PCDH7: variants seen among roughly 807,000 people sequenced by gnomAD.
The protein encoded by PCDH7 is protocadherin-7.
A neutral mutation model predicts 58.9 loss-of-function variants in PCDH7; 17 were observed. The ratio of observed to expected loss-of-function variants is 0.29; its 90% CI spans 0.20 to 0.43. The LOEUF is 0.43. PCDH7 is among the 20% of genes least tolerant of loss of function. PCDH7 has a pLI of 1.00. For synonymous variants in PCDH7, 664 were observed against 616.4 expected, an observed-to-expected ratio of 1.08 and a Z score of -1.14; for missense variants, 1,274 against 1,441.0, an observed-to-expected ratio of 0.88 and a Z score of 1.88.
intron 3 of PCDH7, among the ~76,000 whole-genome samples, chr4:31,106,132 A>G (rs1715544764): frequency 6.6e-6 from 1 of 152,092 alleles, no homozygotes. Context: ...AAGACAAAAC[A>G]AAAATTCAAA....
intron 3 of PCDH7, among the ~76,000 whole-genome samples, chr4:30,953,540 C>G (rs1334198436): frequency 6.7e-6 from 1 of 149,200 alleles, no homozygotes; most frequent in African/African-American, 2.5e-5. Context: ...CTTGAAGAAA[C>G]TAGCAATTTC....
chr4:30,882,053 T>G (rs1266071235), intron 1 of PCDH7, among the ~76,000 whole-genome samples: 1 of 151,738 alleles, frequency 6.6e-6, no homozygotes, highest in East Asian at 2.0e-4. Flanking sequence ...TTTCTCTTCC[T>G]CCTCCTCTTC....
At chr4:31,013,025 A>C (rs1753310780) in intron 3 of PCDH7, among the ~76,000 whole-genome samples, 1 of 150,064 alleles carries the variant, frequency 6.7e-6, no homozygotes, top group African/African-American at 2.4e-5. Context: ...TACAAAATAT[A>C]AAATGAAATA....
chr4:30,877,445 T>A (rs531626134), intron 1 of PCDH7, among the ~76,000 whole-genome samples: 10 of 152,280 alleles, frequency 6.6e-5, no homozygotes, highest in Non-Finnish European at 1.5e-4. Context: ...AAGTTGTAGC[T>A]ATCAAAGAAA....
At chr4:31,028,313 A>G (rs879347149) in intron 3 of PCDH7, among the ~76,000 whole-genome samples, 5 of 152,108 alleles carry the variant, frequency 3.3e-5, no homozygotes, top group Non-Finnish European at 7.3e-5. Context: ...AGTACACCAC[A>G]CTCAAGCTTA....
At chr4:30,725,236 T>A in intron 1 of PCDH7, 1 of 988,578 alleles carries the variant, frequency 1.0e-6, no homozygotes, top group Non-Finnish European at 1.2e-6. Context: ...TCGATACCTA[T>A]AACAATTAGT....
At chr4:30,974,815 G>T (rs992644809) in intron 3 of PCDH7, among the ~76,000 whole-genome samples, 4 of 150,246 alleles carry the variant, frequency 2.7e-5, no homozygotes, top group African/African-American at 4.8e-5. Flanking sequence ...ACATAGGGTG[G>T]GCGATGGGGG....
chr4:30,752,088 A>G (rs1718602637), intron 1 of PCDH7, among the ~76,000 whole-genome samples: 1 of 151,922 alleles, frequency 6.6e-6, no homozygotes, highest in African/African-American at 2.4e-5. Flanking sequence ...CCACTCTTCC[A>G]CGCTTCTTTA....
chr4:30,948,306 T>C (rs1746958100), intron 2 of PCDH7, among the ~76,000 whole-genome samples: 1 of 151,136 alleles, frequency 6.6e-6, no homozygotes, highest in African/African-American at 2.4e-5. Context: ...AAAAAAAAGC[T>C]ATATTTCATG....
At chr4:31,096,398 T>A (rs749657968) in intron 3 of PCDH7, among the ~76,000 whole-genome samples, 28 of 151,992 alleles carry the variant, frequency 1.8e-4, no homozygotes, top group Non-Finnish European at 3.8e-4. Context: ...TAGGAAGCAA[T>A]TGAGGGATAT....
intron 3 of PCDH7, among the ~76,000 whole-genome samples, chr4:30,971,469 G>A (rs900403106): frequency 9.2e-5 from 14 of 152,112 alleles, no homozygotes; most frequent in African/African-American, 3.4e-4. Context: ...GGCTTTATTG[G>A]TAACTAGCAT....
chr4:30,753,865 T>C (rs575700510), intron 1 of PCDH7, among the ~76,000 whole-genome samples: 2 of 152,254 alleles, frequency 1.3e-5, no homozygotes, highest in South Asian at 2.1e-4. Flanking sequence ...TGGAATGATA[T>C]TGGAAGAGAA....
chr4:30,796,255 G>A (rs927352993), intron 1 of PCDH7, among the ~76,000 whole-genome samples: 1 of 152,070 alleles, frequency 6.6e-6, no homozygotes, highest in Non-Finnish European at 1.5e-5. Context: ...ATTACAGTTG[G>A]ATCTTTAGAT....
intron 3 of PCDH7, among the ~76,000 whole-genome samples, chr4:31,018,358 A>G (rs1753773679): frequency 6.6e-6 from 1 of 152,302 alleles, no homozygotes; most frequent in Non-Finnish European, 1.5e-5. Flanking sequence ...GTAGAAGTGA[A>G]CTACATCTAT....
At chr4:30,790,615 A>G (rs923341074) in intron 1 of PCDH7, among the ~76,000 whole-genome samples, 1 of 152,194 alleles carries the variant, frequency 6.6e-6, no homozygotes, top group Non-Finnish European at 1.5e-5. Flanking sequence ...GATATAGAAG[A>G]TCTGCTTTAA....
chr4:31,020,287 T>TA (rs996134062), intron 3 of PCDH7, among the ~76,000 whole-genome samples: 2 of 152,230 alleles, frequency 1.3e-5, no homozygotes, highest in African/African-American at 4.8e-5. Flanking sequence ...TCTTTAGAGA[T>TA]AAAAAGCATT....
At chr4:30,992,699 C>T (rs1280285516) in intron 3 of PCDH7, among the ~76,000 whole-genome samples, 1 of 151,084 alleles carries the variant, frequency 6.6e-6, no homozygotes, top group Non-Finnish European at 1.5e-5. Context: ...AAGATGAATG[C>T]TAAAATACAT....
At chr4:30,863,349 G>T (rs1734454486) in intron 1 of PCDH7, among the ~76,000 whole-genome samples, 1 of 152,006 alleles carries the variant, frequency 6.6e-6, no homozygotes, top group South Asian at 2.1e-4. Context: ...GGAAACATTT[G>T]GTGATGTCTG....
chr4:31,065,734 A>G (rs749951032), intron 3 of PCDH7, among the ~76,000 whole-genome samples: 5 of 151,934 alleles, frequency 3.3e-5, no homozygotes, highest in Non-Finnish European at 5.9e-5. Context: ...TCTGCTTTTT[A>G]ACTCTTAGGA....
Sources: allele counts gnomAD v4.1 joint callset (sites outside exome capture counted in the v4.1 genomes callset), GRCh38; gene constraint gnomAD v4.1.1; transcripts MANE v1.5; gene names NCBI Gene and HGNC (gene_info 2026-07-23, HGNC 2026-07-21).